The following SLCO4A1 variants were observed in gnomAD, a reference collection of about 807,000 sequenced individuals.
SLCO4A1 encodes the protein solute carrier organic anion transporter family member 4A1, also known as colon organic anion transporter.
Under a neutral mutation model 64.6 loss-of-function variants are expected in SLCO4A1, and 51 were observed. That is an observed-to-expected ratio of 0.79 (90% CI 0.63 to 1.00). SLCO4A1 has a LOEUF of 1.00. SLCO4A1 is among the 50% of genes least tolerant of loss of function. The pLI, the probability that SLCO4A1 is intolerant of heterozygous loss-of-function variation, is 0.00. For synonymous variants in SLCO4A1, 471 were observed against 444.9 expected (o/e 1.06, Z -0.74); for missense variants, 919 against 980.5 (o/e 0.94, Z 0.84).
downstream of SLCO4A1, among the ~76,000 whole-genome samples, chr20:62,675,104 A>G (rs956213846): frequency 6.6e-6 from 1 of 152,158 alleles, no homozygotes; most frequent in Non-Finnish European, 1.5e-5. Context: ...TGCAGAGAGG[A>G]CAGAGAGAGG....
At position 62,644,095 on chromosome 20, in the gene SLCO4A1, G is replaced by T. The variant is rs1448953860; in HGVS notation, c.-97+1542G>T. ...CCCAGAACAGCGTCCCAAGAGCTGGGCCTGCGGTTACTGGGCCAGAGTGTC... is the reference window on the plus strand; with the variant it reads ...CCCAGAACAGCGTCCCAAGAGCTGGTCCTGCGGTTACTGGGCCAGAGTGTC... On this transcript the variant is annotated intron_variant, in intron 1 of 11. Transcript: ENST00000217159. The surrounding 1 kb of genome is among the most constrained non-coding windows in gnomAD (Gnocchi z 5.4). Among the ~76,000 whole-genome samples the T allele has an allele frequency of 6.6e-6, 1 of 152,228 alleles. No homozygotes were observed. Among genetic ancestry groups the T allele is most frequent in the East Asian group, 1.9e-4 (1 of 5,196 alleles).
Position 62,658,779 on chromosome 20 carries a change from C to T in SLCO4A1, c.887+12C>T, listed in dbSNP as rs747401758. ...GAAATGGGCCGACGGTGAGTGGCCG[C>T]GCACCCAGCTGCCTGCGCTGGAGAG... On this transcript the variant is annotated intron_variant, in intron 3 of 11. Coordinates refer to ENST00000217159, the MANE Select transcript of SLCO4A1 (RefSeq NM_016354.4). 6.9e-6 allele frequency: 11 copies of T among 1,591,166 alleles called. No homozygotes were observed. The highest frequency in any genetic ancestry group is 4.5e-5 in the East Asian group (2 of 44,126).
intron 11 of SLCO4A1, among the ~76,000 whole-genome samples, chr20:62,670,750 G>T (rs1987099548): frequency 6.6e-6 from 1 of 152,236 alleles, no homozygotes; most frequent in African/African-American, 2.4e-5. Flanking sequence ...GTATCCAGAG[G>T]GTCAGAGTTG....
In SLCO4A1 at chr20:62,657,054, G is replaced by A; in HGVS notation, c.600G>A (p.Glu200=). 2 of 1,597,456 alleles carry A rather than the reference G, an allele frequency of 1.3e-6. No homozygotes were observed. Among genetic ancestry groups the A allele is most frequent in the Non-Finnish European group, 1.7e-6 (2 of 1,170,474 alleles). Residue 200 remains glutamate, a synonymous_variant, in exon 2 of 12, where the codon GAG becomes GAA. Transcript: ENST00000217159. ...TCACGGCTGGCCGCTATGAGGTGGA[G>A]TTGGACGCGGGTGTCAGGACGTGCC... ...PHFTAGRYEV[E]LDAGVRTCPA...
chr20:62,674,594 G>T (rs997324395), downstream of SLCO4A1, among the ~76,000 whole-genome samples: 1 of 152,170 alleles, frequency 6.6e-6, no homozygotes, highest in African/African-American at 2.4e-5. Context: ...GATTCCAAGG[G>T]TCTGAGCGGC....
rs1242832509 is a variant in SLCO4A1, at chr20:62,656,356, C to T, written c.-96-3C>T. The T allele has an allele frequency of 2.3e-5, 24 of 1,037,168 alleles. 1 individual carries two copies. The African/African-American group carries it at 2.6e-4, about 11-fold the overall frequency. 64.2% of individuals were successfully genotyped at this position (1,037,168 alleles called of 1,614,324 possible). On this transcript the variant is annotated splice_region_variant and splice_polypyrimidine_tract_variant and intron_variant, in intron 1 of 11. Coordinates refer to ENST00000217159, the MANE Select transcript of SLCO4A1 (RefSeq NM_016354.4). ...GCTTGCTAACCAGACATTCTTCTCA[C>T]AGGACACACCAGCCCCTCGGATACC...
chr20:62,664,014 G>A lies in SLCO4A1; in HGVS notation c.1122-920G>A, dbSNP rs141670355. ...TTCACCCCCCAGGGCCTCGTGTGCAGGGACAGGCAGCCCCGACGCACTGCT... is the reference window on the plus strand; with the variant it reads ...TTCACCCCCCAGGGCCTCGTGTGCAAGGACAGGCAGCCCCGACGCACTGCT... On this transcript the variant is annotated intron_variant, in intron 5 of 11. Coordinates refer to ENST00000217159, the MANE Select transcript of SLCO4A1 (RefSeq NM_016354.4). 5.3e-3 allele frequency among the ~76,000 whole-genome samples: 811 copies of A among 151,988 alleles called. 8 individuals are homozygous for A. The highest frequency in any genetic ancestry group is 0.019 in the African/African-American group (774 of 41,446).
intron 2 of SLCO4A1, among the ~76,000 whole-genome samples, chr20:62,684,225 C>T (rs190065823): frequency 2.0e-4 from 30 of 152,372 alleles, no homozygotes; most frequent in African/African-American, 6.7e-4. Context: ...GGGTGTTCTA[C>T]TTAACCTTTC....
chr20:62,668,228 A>G, intron 9 of SLCO4A1, 44 bp downstream of exon 9: 2 of 1,604,282 alleles, frequency 1.2e-6, no homozygotes, highest in Non-Finnish European at 1.7e-6. Context: ...CTTTCCTTGC[A>G]GCACCCTGAG....
At chr20:62,659,665 G>A (rs144477454) in intron 3 of SLCO4A1, among the ~76,000 whole-genome samples, 185 of 152,354 alleles carry the variant, frequency 1.2e-3, no homozygotes, top group African/African-American at 3.9e-3. Flanking sequence ...CCCCGGAGGC[G>A]GCCGCAGCAT....
chr20:62,646,418 C>T (rs754934624), intron 1 of SLCO4A1, among the ~76,000 whole-genome samples: 1 of 152,256 alleles, frequency 6.6e-6, no homozygotes, highest in Non-Finnish European at 1.5e-5. Context: ...CTGTGAACAC[C>T]ACGGGTCTGT....
intron 6 of SLCO4A1, 76 bp downstream of exon 6, chr20:62,665,164 A>G: frequency 6.7e-7 from 1 of 1,499,394 alleles, no homozygotes; most frequent in Non-Finnish European, 9.0e-7. Flanking sequence ...GGCATCTTCT[A>G]GAAAGACCCA....
chr20:62,688,478 G>A (rs1024996609), downstream of SLCO4A1, among the ~76,000 whole-genome samples: 2 of 152,184 alleles, frequency 1.3e-5, no homozygotes, highest in African/African-American at 4.8e-5. Context: ...CTCAGTCTGT[G>A]TGCACACAGC....
In SLCO4A1 at chr20:62,671,876, C is replaced by G; in HGVS notation, c.2152C>G (p.Leu718Val). ...SAPDSATDSQ[L>V]QSSV Reference sequence around the variant, plus strand: ...CCCTGACAGTGCCACAGATAGCCAGCTCCAGAGCAGCGTCTGACCACCGCC... The same window carrying G: ...CCCTGACAGTGCCACAGATAGCCAGGTCCAGAGCAGCGTCTGACCACCGCC... Residue 718 changes from leucine to valine, a missense_variant, in exon 12 of 12, where the codon CTC becomes GTC. Coordinates refer to ENST00000217159, the MANE Select transcript of SLCO4A1 (RefSeq NM_016354.4). The G allele has an allele frequency of 6.2e-7, 1 of 1,612,374 alleles. No individual in the cohort carries two copies. Among genetic ancestry groups the G allele is most frequent in the Non-Finnish European group, 8.5e-7 (1 of 1,180,030 alleles).
At chr20:62,686,553 C>A (rs961906246), downstream of SLCO4A1, among the ~76,000 whole-genome samples, 1 of 152,236 alleles carries the variant, frequency 6.6e-6, no homozygotes, top group African/African-American at 2.4e-5. Flanking sequence ...CCCCGAGGGC[C>A]CTCTGACCCC....
intron 2 of SLCO4A1, among the ~76,000 whole-genome samples, chr20:62,681,474 G>T (rs1210854405): frequency 1.3e-5 from 2 of 150,530 alleles, no homozygotes; most frequent in Non-Finnish European, 3.0e-5. Context: ...ACACTCGTGT[G>T]TGTGTTAAGC....
intron 5 of SLCO4A1, chr20:62,663,424 G>A (rs1569138113): frequency 6.6e-6 from 1 of 152,230 alleles, no homozygotes; most frequent in South Asian, 2.1e-4. Flanking sequence ...CTGGTGAGAG[G>A]CTGGAAAGTG....
At chr20:62,656,240 G>A in intron 1 of SLCO4A1, 119 bp from the exon 2 acceptor site, 1 of 535,612 alleles carries the variant, frequency 1.9e-6, no homozygotes, top group Non-Finnish European at 3.3e-6. Flanking sequence ...GGAGGCTCTT[G>A]AGACAAGGCA....
downstream of SLCO4A1, among the ~76,000 whole-genome samples, chr20:62,686,029 C>G (rs1375025440): frequency 6.6e-6 from 1 of 152,072 alleles, no homozygotes; most frequent in Non-Finnish European, 1.5e-5. Context: ...GGGGAAGGTA[C>G]CCTCCGGGGA....
Sources: allele counts gnomAD v4.1 joint callset (sites outside exome capture counted in the v4.1 genomes callset), GRCh38; gene constraint gnomAD v4.1.1; non-coding constraint Gnocchi (gnomAD v3.1); transcripts MANE v1.5; gene names NCBI Gene and HGNC (gene_info 2026-07-23, HGNC 2026-07-21).